TMEM117: variants seen among roughly 807,000 people sequenced by gnomAD.
The protein encoded by TMEM117 is transmembrane protein 117.
In TMEM117, 27 loss-of-function variants were observed where a neutral mutation model predicts 52.4. That is an observed-to-expected ratio of 0.51 (90% CI 0.38 to 0.71). TMEM117 has a LOEUF of 0.71. Among genes scored for constraint, TMEM117 ranks in the 30% least tolerant of loss-of-function variants. The pLI, the probability that TMEM117 is intolerant of heterozygous loss-of-function variation, is 0.00. For missense variants in TMEM117, 556 were observed against 630.5 expected (o/e 0.88, Z 1.26); for synonymous variants, 215 against 206.3 (o/e 1.04, Z -0.36).
chr12:44,350,361 G>A (rs565651189), intron 6 of TMEM117, among the ~76,000 whole-genome samples: 18 of 152,026 alleles, frequency 1.2e-4, no homozygotes, highest in African/African-American at 3.9e-4. Context: ...TGGATTATCT[G>A]TGCCCCCAAG....
intron 3 of TMEM117, among the ~76,000 whole-genome samples, chr12:44,113,964 C>T (rs576586501): frequency 7.3e-6 from 1 of 136,688 alleles, no homozygotes; most frequent in South Asian, 2.3e-4. Context: ...GGGAGTGACC[C>T]GATTTTCCAG....
chr12:44,305,978 A>G (rs982314126), intron 6 of TMEM117, among the ~76,000 whole-genome samples: 6 of 152,252 alleles, frequency 3.9e-5, no homozygotes, highest in Non-Finnish European at 5.9e-5. Flanking sequence ...TTACAGCAAC[A>G]TGGATTCATC....
chr12:43,879,430 A>C (rs895757223), intron 2 of TMEM117, among the ~76,000 whole-genome samples: 1 of 152,246 alleles, frequency 6.6e-6, no homozygotes, highest in Admixed American at 6.5e-5. Flanking sequence ...TGTGAGTGCC[A>C]TATCACTCTG....
At chr12:44,367,051 T>C (rs1951799041) in intron 6 of TMEM117, among the ~76,000 whole-genome samples, 1 of 152,126 alleles carries the variant, frequency 6.6e-6, no homozygotes, top group Admixed American at 6.6e-5. Context: ...ACTGAAAATA[T>C]TAAAAGGGAA....
intron 2 of TMEM117, among the ~76,000 whole-genome samples, chr12:43,912,223 C>A (rs1944516980): frequency 6.9e-6 from 1 of 143,938 alleles, no homozygotes; most frequent in African/African-American, 2.5e-5. Context: ...TGGAAATCAT[C>A]AGTCTCACTA....
Position 44,180,810 on chromosome 12 carries a change from CAT to C in TMEM117, c.511-30477_511-30476del, listed in dbSNP as rs1169918948. Among the ~76,000 whole-genome samples, 74 of 152,066 alleles carry C rather than the reference CAT, an allele frequency of 4.9e-4. 1 individual carries two copies. Among genetic ancestry groups the C allele is most frequent in the Admixed American group, 9.2e-4 (14 of 15,274 alleles). On this transcript the variant is annotated intron_variant, in intron 4 of 7. Transcript: ENST00000266534. ...CTATCGTGAATAATGCCGCAATAAA[CAT>C]ATGTGTGCATGTGTCTTTATAGCAG...
chr12:44,299,938 A>G (rs1950818784), intron 6 of TMEM117, among the ~76,000 whole-genome samples, 199 bp downstream of exon 6: 1 of 152,204 alleles, frequency 6.6e-6, no homozygotes, highest in Non-Finnish European at 1.5e-5. Context: ...GGGGCACCAA[A>G]AATGTATTTT....
intron 4 of TMEM117, among the ~76,000 whole-genome samples, chr12:44,154,801 T>C (rs954319936): frequency 6.6e-6 from 1 of 151,310 alleles, no homozygotes; most frequent in African/African-American, 2.4e-5. Flanking sequence ...TATATGATTT[T>C]TTTTAAAAAA....
chr12:44,100,644 A>T (rs1221584551), intron 3 of TMEM117, among the ~76,000 whole-genome samples: 1 of 151,994 alleles, frequency 6.6e-6, no homozygotes, highest in Non-Finnish European at 1.5e-5. Flanking sequence ...CTGCCTCTTA[A>T]ATTTTCCTCA....
At chr12:43,961,517 G>A (rs1945403259) in intron 3 of TMEM117, among the ~76,000 whole-genome samples, 1 of 152,066 alleles carries the variant, frequency 6.6e-6, no homozygotes, top group South Asian at 2.1e-4. Context: ...TGGCTTGAAT[G>A]GTATTGGAAT....
chr12:43,938,613 G>C (rs115311834), intron 2 of TMEM117, among the ~76,000 whole-genome samples: 357 of 152,244 alleles, frequency 2.3e-3, no homozygotes, highest in African/African-American at 8.4e-3. Flanking sequence ...CTGAGTGCTG[G>C]ATCAGGCTTT....
At chr12:43,966,559 T>C (rs1945488850) in intron 3 of TMEM117, among the ~76,000 whole-genome samples, 1 of 152,176 alleles carries the variant, frequency 6.6e-6, no homozygotes, top group East Asian at 1.9e-4. Flanking sequence ...CTTGGGATAC[T>C]CTAAGGGGAA....
At chr12:44,356,448 C>G (rs556195044) in intron 6 of TMEM117, among the ~76,000 whole-genome samples, 2 of 152,202 alleles carry the variant, frequency 1.3e-5, no homozygotes, top group African/African-American at 4.8e-5. Flanking sequence ...ACTAGGTATT[C>G]AACTGAGTTC....
chr12:43,876,686 C>G (rs1943802590), intron 2 of TMEM117, among the ~76,000 whole-genome samples: 1 of 152,162 alleles, frequency 6.6e-6, no homozygotes, highest in African/African-American at 2.4e-5. Flanking sequence ...CATAGACACA[C>G]AGGATAATTT....
chr12:43,993,777 T>C (rs10880615), intron 3 of TMEM117, among the ~76,000 whole-genome samples: 150,681 of 152,268 alleles, frequency 0.99, 74,576 homozygotes, highest in Middle Eastern at 1. Context: ...TCACTGCAGC[T>C]TCAACCTCCA....
intron 3 of TMEM117, among the ~76,000 whole-genome samples, chr12:44,025,882 A>G (rs1946525049): frequency 1.3e-5 from 2 of 151,742 alleles, no homozygotes; most frequent in African/African-American, 4.9e-5. Context: ...TTCTGGTATA[A>G]TCAAAGAATT....
intron 3 of TMEM117, among the ~76,000 whole-genome samples, chr12:43,992,500 A>C (rs933753545): frequency 6.6e-6 from 1 of 152,044 alleles, no homozygotes; most frequent in East Asian, 1.9e-4. Flanking sequence ...GCTGGTTTCG[A>C]ACTCCTGGGT....
At chr12:44,049,540 A>G (rs1362271993) in intron 3 of TMEM117, among the ~76,000 whole-genome samples, 10 of 150,680 alleles carry the variant, frequency 6.6e-5, no homozygotes, top group Admixed American at 5.9e-4. Flanking sequence ...AACTTCAAGT[A>G]AAATAAAAAA....
At chr12:44,392,825 A>C (rs919414094), downstream of TMEM117, among the ~76,000 whole-genome samples, 2 of 151,944 alleles carry the variant, frequency 1.3e-5, no homozygotes, top group African/African-American at 4.8e-5. Flanking sequence ...AGGGAGCATG[A>C]TGAGACCTGG....
Sources: allele counts gnomAD v4.1 joint callset (sites outside exome capture counted in the v4.1 genomes callset), GRCh38; gene constraint gnomAD v4.1.1; transcripts MANE v1.5; gene names NCBI Gene and HGNC (gene_info 2026-07-23, HGNC 2026-07-21).